ENTREP1: variants seen among roughly 807,000 people sequenced by gnomAD.
The protein encoded by ENTREP1 is Friedreich ataxia region gene X123.
At chr9:69,355,070 G>C in the ENTREP1 span, among the ~76,000 whole-genome samples, 1 of 152,172 alleles carries the variant, frequency 6.6e-6, no homozygotes, top group South Asian at 2.1e-4. Context: ...ATGTTATCAA[G>C]GTTCACTTAT....
At chr9:69,354,734 T>C in the ENTREP1 span, among the ~76,000 whole-genome samples, 1 of 152,190 alleles carries the variant, frequency 6.6e-6, no homozygotes, top group Non-Finnish European at 1.5e-5. Flanking sequence ...TCACCAGTGG[T>C]GGTAGGTATT....
the ENTREP1 span, among the ~76,000 whole-genome samples, chr9:69,344,857 G>A: frequency 2.5e-4 from 38 of 152,204 alleles, no homozygotes; most frequent in African/African-American, 8.9e-4. Context: ...TCCTTCCTGG[G>A]TTCCTGAGCC....
At chr9:69,374,946 A>G in the ENTREP1 span, among the ~76,000 whole-genome samples, 2 of 152,242 alleles carry the variant, frequency 1.3e-5, no homozygotes, top group African/African-American at 4.8e-5. Context: ...CGCACAGTGC[A>G]CAGTTGCCTG....
At chr9:69,325,048 AGTGCGCGTGG>A in the ENTREP1 span, 6 of 985,202 alleles carry the variant, frequency 6.1e-6, no homozygotes, top group African/African-American at 1.0e-4. Flanking sequence ...GCGAGCACGG[AGTGCGCGTGG>A]GTGAGAGTGA....
chr9:69,359,553 G>GT, the ENTREP1 span, among the ~76,000 whole-genome samples: 2 of 152,178 alleles, frequency 1.3e-5, no homozygotes, highest in Non-Finnish European at 2.9e-5. Context: ...CTGCTACCTT[G>GT]TGAGGAAGTT....
the ENTREP1 span, among the ~76,000 whole-genome samples, chr9:69,352,529 G>A: frequency 7.4e-4 from 112 of 152,276 alleles, no homozygotes; most frequent in African/African-American, 2.5e-3. Context: ...ACATAACTGA[G>A]ATGCATGTAC....
the ENTREP1 span, among the ~76,000 whole-genome samples, chr9:69,326,759 T>TC: frequency 2.0e-5 from 3 of 151,938 alleles, no homozygotes; most frequent in Non-Finnish European, 4.4e-5. Context: ...GGACAGAGTT[T>TC]CCCCATGTTG....
the ENTREP1 span, among the ~76,000 whole-genome samples, chr9:69,367,742 CACATATATAAATATATATATACACAT>C: frequency 1.1e-4 from 6 of 54,102 alleles, 1 homozygote; most frequent in East Asian, 1.4e-3. Flanking sequence ...TATATATATA[CACATATATAAATATATATATACACAT>C]ATATATAAAT....
the ENTREP1 span, chr9:69,325,789 C>T: frequency 8.2e-7 from 1 of 1,212,748 alleles, no homozygotes; most frequent in Non-Finnish European, 1.0e-6. Context: ...GGTCGTTCCT[C>T]TCCATTGCCC....
the ENTREP1 span, chr9:69,391,585 C>A: frequency 1.2e-6 from 2 of 1,612,668 alleles, no homozygotes; most frequent in Non-Finnish European, 1.7e-6. Context: ...CTCCCCACCC[C>A]TCTCTTTTCC....
At chr9:69,383,200 G>T in the ENTREP1 span, 1 of 832,836 alleles carries the variant, frequency 1.2e-6, no homozygotes, top group African/African-American at 1.8e-5. Flanking sequence ...ATTAACCAAA[G>T]TATATGATTC....
the ENTREP1 span, chr9:69,383,613 C>T: frequency 6.2e-7 from 1 of 1,613,874 alleles, no homozygotes; most frequent in Non-Finnish European, 8.5e-7. Context: ...TTTCTGACGC[C>T]AAGTCGCTTT....
chr9:69,337,033 T>TTTTTTTTG, the ENTREP1 span, among the ~76,000 whole-genome samples: 1 of 63,516 alleles, frequency 1.6e-5, no homozygotes, highest in Non-Finnish European at 3.0e-5. Context: ...TTTTTTTTTT[T>TTTTTTTTG]TGATACAGTC....
the ENTREP1 span, among the ~76,000 whole-genome samples, chr9:69,360,014 T>C: frequency 2.6e-5 from 4 of 151,512 alleles, no homozygotes; most frequent in East Asian, 7.8e-4. Context: ...CCATTTGAGG[T>C]ATCACTCATT....
chr9:69,374,309 A>G, the ENTREP1 span, among the ~76,000 whole-genome samples: 1 of 152,134 alleles, frequency 6.6e-6, no homozygotes, highest in Admixed American at 6.6e-5. Flanking sequence ...TATTATGAAC[A>G]AAGCTGCTGT....
chr9:69,367,706 T>TATATATATACACATATATATAC, the ENTREP1 span, among the ~76,000 whole-genome samples: 1 of 91,904 alleles, frequency 1.1e-5, no homozygotes, highest in African/African-American at 3.6e-5. Context: ...TATATATAAA[T>TATATATATACACATATATATAC]ATATATATAC....
At chr9:69,383,740 G>A in the ENTREP1 span, 1 of 1,614,154 alleles carries the variant, frequency 6.2e-7, no homozygotes. Flanking sequence ...GCTGTGGTGA[G>A]CCAGATGGAC....
At chr9:69,348,566 A>G in the ENTREP1 span, among the ~76,000 whole-genome samples, 6 of 152,310 alleles carry the variant, frequency 3.9e-5, no homozygotes, top group East Asian at 1.9e-4. Flanking sequence ...TCAGCCTCCA[A>G]AAAAATCCTG....
chr9:69,391,825 A>G, the ENTREP1 span: 1 of 1,564,040 alleles, frequency 6.4e-7, no homozygotes, highest in South Asian at 1.2e-5. Flanking sequence ...ACAGAAGGCC[A>G]CTCCAAGGGG....
Sources: gnomAD v4.1 joint callset for allele counts (sites outside exome capture counted in the v4.1 genomes callset) on GRCh38, gnomAD v4.1.1 for gene constraint, MANE v1.5 for transcripts, NCBI Gene and HGNC (gene_info 2026-07-23, HGNC 2026-07-21) for gene names.